CHRM3: variants seen among roughly 807,000 people sequenced by gnomAD.
CHRM3 encodes the protein muscarinic acetylcholine receptor M3.
Under a neutral mutation model 41.8 loss-of-function variants are expected in CHRM3, and 11 were observed. That is an observed-to-expected ratio of 0.26 (90% confidence interval 0.17 to 0.44). CHRM3 has a LOEUF of 0.44. Ranked by LOEUF, CHRM3 falls within the 20% of genes least tolerant of loss-of-function variation. The probability of loss-of-function intolerance (pLI) is 1.00; values close to 1 mark genes in which losing one functional copy is unlikely to be tolerated. For synonymous variants in CHRM3, 297 were observed against 301.4 expected (o/e 0.99, Z 0.15); for missense variants, 571 against 745.4 (o/e 0.77, Z 2.72).
rs386370161 is a variant in CHRM3, at chr1:239,519,741, C to CTTTTTTTTT, written c.-421-25884_-421-25876dup. 3.8e-3 allele frequency among the ~76,000 whole-genome samples: 323 copies of CTTTTTTTTT among 85,054 alleles called. 7 individuals carry two copies. Among genetic ancestry groups the CTTTTTTTTT allele is most frequent in the Middle Eastern group, 0.016 (1 of 62 alleles). The allele number at this position is 85,054 out of a possible 152,430, so 55.8% of individuals were successfully genotyped here. A position where few individuals can be genotyped will look rare whatever the true frequency, so the allele number is the denominator to read the frequency against. ...ATTTTCACGTGGTTAAAAACTAGTT[C>CTTTTTTTTT]TTTTTTTTTTTTTTTTTTTTTTTTG... On this transcript the variant is annotated intron_variant, in intron 2 of 6. Coordinates refer to ENST00000676153, the MANE Select transcript of CHRM3 (RefSeq NM_001375978.1).
intron 4 of CHRM3, among the ~76,000 whole-genome samples, chr1:239,670,150 G>C (rs980651210): frequency 6.6e-6 from 1 of 152,148 alleles, no homozygotes; most frequent in East Asian, 1.9e-4. Context: ...TGAGATTAGA[G>C]AAGTTTATCT....
At chr1:239,882,799 C>G (rs1344609095) in intron 6 of CHRM3, among the ~76,000 whole-genome samples, 2 of 152,208 alleles carry the variant, frequency 1.3e-5, no homozygotes, top group Non-Finnish European at 2.9e-5. Context: ...AGGCCCTGAG[C>G]TGCTAGAAAG....
chr1:239,742,848 G>A (rs1018796468), intron 5 of CHRM3, among the ~76,000 whole-genome samples: 7 of 152,154 alleles, frequency 4.6e-5, no homozygotes, highest in Middle Eastern at 3.2e-3. Context: ...CCATGACCTC[G>A]TGATAGCTGA....
rs181588125 is a variant in CHRM3, at chr1:239,644,081, C to T, written c.-250+11795C>T. Among the ~76,000 whole-genome samples, 6 of 152,262 alleles carry T rather than the reference C, an allele frequency of 3.9e-5. No individual in the cohort carries two copies. In the East Asian group the frequency reaches 7.7e-4, roughly 20 times the overall value. On this transcript the variant is annotated intron_variant, in intron 4 of 6. Coordinates refer to ENST00000676153, the MANE Select transcript of CHRM3 (RefSeq NM_001375978.1). ...TTCATTGACAAATGTGATGTTGAAA[C>T]TTCTTGGGGTAAGGCAAATGATTTT... is the stretch of plus-strand genomic sequence containing the variant.
intron 1 of CHRM3, among the ~76,000 whole-genome samples, chr1:239,471,438 T>C (rs1195116575): frequency 6.6e-6 from 1 of 152,178 alleles, no homozygotes; most frequent in Non-Finnish European, 1.5e-5. Context: ...CCTGGTCCAT[T>C]GTTCCCCATG....
At chr1:239,549,864 C>A (rs962880856) in intron 3 of CHRM3, among the ~76,000 whole-genome samples, 1 of 151,778 alleles carries the variant, frequency 6.6e-6, no homozygotes, top group South Asian at 2.1e-4. Flanking sequence ...TAGATGAAAT[C>A]TTTACTACAG....
chr1:239,818,548 C>T (rs538893743), intron 5 of CHRM3, among the ~76,000 whole-genome samples: 22 of 152,290 alleles, frequency 1.4e-4, no homozygotes, highest in Non-Finnish European at 2.6e-4. Context: ...ACTAAGAGCA[C>T]CGTAGCCCTG....
At chr1:239,838,524 G>T (rs887505810) in intron 6 of CHRM3, among the ~76,000 whole-genome samples, 1 of 152,012 alleles carries the variant, frequency 6.6e-6, no homozygotes, top group Non-Finnish European at 1.5e-5. Context: ...CATTAAAATT[G>T]CCATGCCATA....
chr1:239,644,969 C>G (rs1671610295), intron 4 of CHRM3, among the ~76,000 whole-genome samples: 1 of 152,180 alleles, frequency 6.6e-6, no homozygotes, highest in Non-Finnish European at 1.5e-5. Flanking sequence ...ACCTCTCACT[C>G]CTCTCTATTG....
chr1:239,827,483 C>A (rs535906692), intron 6 of CHRM3, 105 bp downstream of exon 6: 3 of 152,166 alleles, frequency 2.0e-5, no homozygotes, highest in East Asian at 3.9e-4. Context: ...AGTTACGTGA[C>A]CTCAATTAGG....
At chr1:239,547,081 G>A (rs893283453) in intron 3 of CHRM3, among the ~76,000 whole-genome samples, 14 of 152,054 alleles carry the variant, frequency 9.2e-5, no homozygotes, top group South Asian at 4.1e-4. Context: ...TTCTAATTCC[G>A]GAAATTAGAT....
intron 5 of CHRM3, among the ~76,000 whole-genome samples, chr1:239,769,182 C>A (rs1049177890): frequency 3.9e-5 from 6 of 152,116 alleles, no homozygotes; most frequent in African/African-American, 1.4e-4. Flanking sequence ...TGACACTTGC[C>A]TTTCCCTCCC....
At chr1:239,897,870 AC>A (rs1679143525) in intron 6 of CHRM3, 1 of 152,202 alleles carries the variant, frequency 6.6e-6, no homozygotes, top group Non-Finnish European at 1.5e-5. Flanking sequence ...CTACTGCTAC[AC>A]GTAAGAGGTC....
intron 5 of CHRM3, among the ~76,000 whole-genome samples, chr1:239,685,725 G>C (rs1659072023): frequency 2.0e-5 from 3 of 152,172 alleles, no homozygotes; most frequent in Admixed American, 2.0e-4. Flanking sequence ...GGGAGGCTGA[G>C]GCAGGAGAAT....
intron 6 of CHRM3, among the ~76,000 whole-genome samples, chr1:239,891,354 T>C (rs1678534178): frequency 6.6e-6 from 1 of 152,204 alleles, no homozygotes; most frequent in Non-Finnish European, 1.5e-5. Flanking sequence ...TTTCTTTTTT[T>C]CCCTCTGAAT....
chr1:239,663,911 A>G (rs7513450), intron 4 of CHRM3, among the ~76,000 whole-genome samples: 1 of 152,262 alleles, frequency 6.6e-6, no homozygotes, highest in South Asian at 2.1e-4. Flanking sequence ...GTAGGATGAA[A>G]TGTTGGTTGG....
intron 4 of CHRM3, among the ~76,000 whole-genome samples, chr1:239,662,235 A>G (rs1673275253): frequency 2.0e-5 from 3 of 152,050 alleles, no homozygotes; most frequent in Admixed American, 2.0e-4. Context: ...CAGCTGATTG[A>G]AAACACTGCA....
intron 6 of CHRM3, among the ~76,000 whole-genome samples, chr1:239,903,008 A>G (rs1290602332): frequency 1.3e-5 from 2 of 152,214 alleles, no homozygotes; most frequent in Non-Finnish European, 2.9e-5. Context: ...AAGAAGAATG[A>G]TGGCCAATGG....
chr1:239,548,276 A>T (rs1659482495), intron 3 of CHRM3, among the ~76,000 whole-genome samples: 2 of 152,160 alleles, frequency 1.3e-5, no homozygotes, highest in Admixed American at 1.3e-4. Context: ...CCCATGTTTT[A>T]TGTCCATCTC....
Sources: allele counts gnomAD v4.1 joint callset (sites outside exome capture counted in the v4.1 genomes callset), GRCh38; gene constraint gnomAD v4.1.1; transcripts MANE v1.5; gene names NCBI Gene and HGNC (gene_info 2026-07-23, HGNC 2026-07-21).